The following MYO18B variants were observed in gnomAD, a reference collection of about 807,000 sequenced individuals.
MYO18B encodes the protein myosin XVIIIB.
A neutral mutation model predicts 273.0 loss-of-function variants in MYO18B; 204 were observed. The observed-to-expected ratio is 0.75, with a 90% CI of 0.67 to 0.84. MYO18B has a LOEUF of 0.84. Ranked by LOEUF, MYO18B falls within the 40% of genes least tolerant of loss-of-function variation. The pLI is 0.00. For synonymous variants in MYO18B, 1,330 were observed against 1,305.7 expected, an observed-to-expected ratio of 1.02 and a Z score of -0.40; for missense variants, 3,212 against 3,287.6, an observed-to-expected ratio of 0.98 and a Z score of 0.56.
chr22:25,936,692 T>C (rs1192405729), intron 34 of MYO18B, among the ~76,000 whole-genome samples: 2 of 152,208 alleles, frequency 1.3e-5, no homozygotes, highest in African/African-American at 4.8e-5. Context: ...TTTATTATAG[T>C]TCTGGAGGCT....
intron 8 of MYO18B, 71 bp downstream of exon 8, chr22:25,777,852 G>A (rs2086976664): frequency 2.1e-6 from 3 of 1,408,260 alleles, no homozygotes; most frequent in Non-Finnish European, 2.9e-6. Flanking sequence ...ATGCTGAGCT[G>A]CTTTCTTATA....
At chr22:25,972,190 A>G (rs2093042629) in intron 39 of MYO18B, among the ~76,000 whole-genome samples, 1 of 151,664 alleles carries the variant, frequency 6.6e-6, no homozygotes, top group South Asian at 2.1e-4. Flanking sequence ...AGGTCATTAC[A>G]TATATATTTT....
intron 3 of MYO18B, among the ~76,000 whole-genome samples, chr22:25,765,180 G>A (rs2145565192): frequency 6.6e-6 from 1 of 152,278 alleles, no homozygotes; most frequent in Non-Finnish European, 1.5e-5. Flanking sequence ...ATGGCTCTGA[G>A]CCTCAGCCCA....
In MYO18B at chr22:25,878,004, T is replaced by C. The variant is rs1220387309; in HGVS notation, c.4270T>C (p.Leu1424=). ...LRRKLEKSEK[L]RNELRQNTDL... The stretch of plus-strand genomic sequence containing the variant: ...ACGGAAGCTAGAAAAATCAGAGAAG[T>C]TGCGGAATGAACTCCGGCAGAACAC... Residue 1424 remains leucine, a synonymous_variant, in exon 25 of 44, where the codon TTG becomes CTG. Transcript: ENST00000335473. The C allele has an allele frequency of 1.9e-6, 3 of 1,584,958 alleles. No homozygotes were observed. The highest frequency in any genetic ancestry group is 1.8e-5 in the Admixed American group (1 of 55,876).
chr22:26,026,961 C>G lies in MYO18B; in HGVS notation c.6987C>G (p.Ile2329Met), dbSNP rs774314261. The part of the protein sequence containing the change: ...GLLRSTSLKC[I>M]SSDGVGGTTL... Reference sequence around the variant, plus strand: ...TGAGGTCCACCAGCCTCAAATGCATCTCTTCAGACGGTGTTGGGGGCACAA... The same window carrying G: ...TGAGGTCCACCAGCCTCAAATGCATGTCTTCAGACGGTGTTGGGGGCACAA... The change falls in exon 43 of 44, where the codon ATC (isoleucine) becomes ATG (methionine). Residue 2329 changes from isoleucine to methionine, a missense_variant. Transcript: ENST00000335473. 7 of 1,613,894 alleles carry G rather than the reference C, an allele frequency of 4.3e-6. No homozygotes were observed. In the East Asian group the frequency reaches 1.6e-4, roughly 36 times the overall value.
chr22:25,921,546 G>A, intron 34 of MYO18B, 137 bp downstream of exon 34: 1 of 1,075,466 alleles, frequency 9.3e-7, no homozygotes, highest in Non-Finnish European at 1.3e-6. Flanking sequence ...GAGATGGGGG[G>A]CATTTCAGGG....
At chr22:26,016,377 G>A (rs1321217229) in intron 42 of MYO18B, among the ~76,000 whole-genome samples, 1 of 150,520 alleles carries the variant, frequency 6.6e-6, no homozygotes, top group African/African-American at 2.5e-5. Context: ...AACCAGATGA[G>A]GCCCACACCT....
intron 11 of MYO18B, among the ~76,000 whole-genome samples, chr22:25,786,098 G>GCC (rs2087375564): frequency 6.6e-6 from 1 of 152,154 alleles, no homozygotes; most frequent in East Asian, 1.9e-4. Context: ...TTTAACCATT[G>GCC]TTTTCTCCCT....
At chr22:26,010,016 CTG>C (rs1371826125) in intron 42 of MYO18B, among the ~76,000 whole-genome samples, 1 of 152,172 alleles carries the variant, frequency 6.6e-6, no homozygotes, top group East Asian at 1.9e-4. Context: ...CCCACCAGCC[CTG>C]TGTTATCAGG....
chr22:25,955,350 C>A lies in MYO18B; in HGVS notation c.6142C>A (p.Arg2048=). Residue 2048 remains arginine (R), a synonymous_variant, in exon 39 of 44, where the codon CGG becomes AGG. Coordinates refer to ENST00000335473, the MANE Select transcript of MYO18B (RefSeq NM_032608.7). The part of the protein sequence containing the change: ...LVQREAEASR[R]CMELEKYVEE... ...GCAGCGGGAGGCAGAGGCCAGCCGG[C>A]GGTGCATGGAGCTGGTGAGTCCTGT... The A allele has an allele frequency of 1.9e-6, 3 of 1,612,846 alleles. No individual in the cohort carries two copies. The highest frequency in any genetic ancestry group is 2.5e-6 in the Non-Finnish European group (3 of 1,179,476).
intron 21 of MYO18B, among the ~76,000 whole-genome samples, chr22:25,861,193 C>T (rs949056349): frequency 1.3e-5 from 2 of 152,050 alleles, no homozygotes; most frequent in Non-Finnish European, 2.9e-5. Context: ...ATGTTGCTAT[C>T]GTTTATGTTT....
At chr22:25,785,889 A>G (rs2087365009) in intron 11 of MYO18B, among the ~76,000 whole-genome samples, 1 of 152,164 alleles carries the variant, frequency 6.6e-6, no homozygotes, top group African/African-American at 2.4e-5. Flanking sequence ...CATGATGTGT[A>G]TAACGTGCTT....
At chr22:25,993,950 A>G (rs1048559967) in intron 40 of MYO18B, among the ~76,000 whole-genome samples, 3 of 152,214 alleles carry the variant, frequency 2.0e-5, no homozygotes, top group Non-Finnish European at 2.9e-5. Context: ...AATCTGTGCA[A>G]TGAACATGCA....
At chr22:26,023,374 A>C (rs1208988143) in intron 42 of MYO18B, among the ~76,000 whole-genome samples, 1 of 152,170 alleles carries the variant, frequency 6.6e-6, no homozygotes, top group Non-Finnish European at 1.5e-5. Context: ...CAGAAATGAG[A>C]GTCAGCAAGA....
intron 42 of MYO18B, among the ~76,000 whole-genome samples, chr22:26,007,779 G>T (rs1290493965): frequency 6.6e-6 from 1 of 152,286 alleles, no homozygotes; most frequent in African/African-American, 2.4e-5. Flanking sequence ...CTGACACAGA[G>T]TACAGGTGTC....
intron 42 of MYO18B, among the ~76,000 whole-genome samples, chr22:26,022,826 C>G (rs1046116298): frequency 2.6e-5 from 4 of 152,206 alleles, no homozygotes; most frequent in Non-Finnish European, 4.4e-5. Flanking sequence ...TTGTAGAAGG[C>G]ATTGCTCCTC....
chr22:26,026,596 G>T lies in MYO18B; in HGVS notation c.6622G>T (p.Gly2208Cys). The T allele has an allele frequency of 6.2e-7, 1 of 1,613,816 alleles. No individual in the cohort carries two copies. Among genetic ancestry groups the T allele is most frequent in the South Asian group, 1.1e-5 (1 of 91,050 alleles). Reference sequence around the variant, plus strand: ...GCAAAAGTACTGTCATTTTGGGGACGGCGAAGTGCTTGCCGTCCAGAGAAA... The same window carrying T: ...GCAAAAGTACTGTCATTTTGGGGACTGCGAAGTGCTTGCCGTCCAGAGAAA... ...RRQKYCHFGD[G>C]EVLAVQRKST... Residue 2208 changes from glycine to cysteine, a missense_variant, in exon 43 of 44, where the codon GGC becomes TGC. By Grantham distance (159) the Gly-to-Cys change is radical. Transcript: ENST00000335473.
intron 42 of MYO18B, among the ~76,000 whole-genome samples, chr22:26,023,054 C>T (rs750641275): frequency 3.3e-5 from 5 of 152,362 alleles, no homozygotes; most frequent in Middle Eastern, 3.4e-3. Flanking sequence ...CCTTAGTTGC[C>T]GGCCTGAAAG....
chr22:25,811,027 T>C (rs1012349348), intron 12 of MYO18B, among the ~76,000 whole-genome samples: 1 of 152,066 alleles, frequency 6.6e-6, no homozygotes, highest in Non-Finnish European at 1.5e-5. Context: ...TTTTTTTTCT[T>C]TTGTGAGACT....
Sources: allele counts gnomAD v4.1 joint callset (sites outside exome capture counted in the v4.1 genomes callset), GRCh38; gene constraint gnomAD v4.1.1; transcripts MANE v1.5; gene names NCBI Gene and HGNC (gene_info 2026-07-23, HGNC 2026-07-21).